The following PKHD1L1 variants were observed in gnomAD, a reference collection of about 807,000 sequenced individuals.
The protein encoded by PKHD1L1 is PKHD1 like 1.
Under a neutral mutation model 462.9 loss-of-function variants are expected in PKHD1L1, and 434 were observed. The ratio of observed to expected loss-of-function variants is 0.94; its 90% CI spans 0.87 to 1.02. The LOEUF is 1.02. Among genes scored for constraint, PKHD1L1 ranks in the 50% least tolerant of loss-of-function variants. The probability of loss-of-function intolerance (pLI) is 0.00; values close to 1 mark genes in which losing one functional copy is unlikely to be tolerated. For missense variants in PKHD1L1, 5,202 were observed against 5,096.1 expected (o/e 1.02, Z -0.63); for synonymous variants, 1,781 against 1,750.0 (o/e 1.02, Z -0.44).
In PKHD1L1 at chr8:109,384,068, A is replaced by G. The variant is rs766168055; in HGVS notation, c.418-2A>G. ...TTCATATTGACATTATTCTTTTTACAGGCAAAAAGTTTTAGAACCCCAACA... is the reference window on the plus strand; with the variant it reads ...TTCATATTGACATTATTCTTTTTACGGGCAAAAAGTTTTAGAACCCCAACA... On this transcript the variant is annotated splice_acceptor_variant, in intron 4 of 77. Transcript: ENST00000378402. LOFTEE classifies it high-confidence loss of function. The G allele has an allele frequency of 3.1e-6, 5 of 1,600,412 alleles. No individual in the cohort carries two copies. The highest frequency in any genetic ancestry group is 4.3e-6 in the Non-Finnish European group (5 of 1,168,092).
intron 58 of PKHD1L1, among the ~76,000 whole-genome samples, chr8:109,486,147 G>A (rs1443434522): frequency 6.6e-6 from 1 of 151,892 alleles, no homozygotes; most frequent in Non-Finnish European, 1.5e-5. Context: ...ACTACCTATT[G>A]ATGAAGACTT....
rs150272390 is a variant in PKHD1L1, at chr8:109,476,781, A to G, written c.8917+114A>G. 1.1e-3 allele frequency: 1,038 copies of G among 909,756 alleles called. 2 individuals carry two copies. The highest frequency in any genetic ancestry group is 1.2e-3 in the Non-Finnish European group (775 of 635,878). 56.4% of individuals were successfully genotyped at this position (909,756 alleles called of 1,614,324 possible). On this transcript the variant is annotated intron_variant, in intron 52 of 77. Coordinates refer to ENST00000378402, the MANE Select transcript of PKHD1L1 (RefSeq NM_177531.6). ...GTGCTTAATATATACAGGATCCAAT[A>G]AATGTTTGCTGAATGGAAAAACTGG...
At chr8:109,429,904 C>A (rs768252417) in intron 26 of PKHD1L1, 28 bp from the exon 27 acceptor site, 2 of 1,482,594 alleles carry the variant, frequency 1.3e-6, no homozygotes, top group Non-Finnish European at 1.9e-6. Context: ...TGCCCATGTT[C>A]TGTAGCTTCT....
chr8:109,444,212 A>T (rs903478214), intron 37 of PKHD1L1, among the ~76,000 whole-genome samples: 2 of 152,094 alleles, frequency 1.3e-5, no homozygotes, highest in African/African-American at 4.8e-5. Flanking sequence ...TTCTGTCTAT[A>T]GATTTGGCTG....
chr8:109,459,173 A>G (rs1816975563), intron 46 of PKHD1L1, among the ~76,000 whole-genome samples: 1 of 152,060 alleles, frequency 6.6e-6, no homozygotes. Context: ...GATGCTTAGA[A>G]ACACCCCTGG....
chr8:109,493,452 A>G (rs1375232627), intron 62 of PKHD1L1, among the ~76,000 whole-genome samples: 1 of 151,694 alleles, frequency 6.6e-6, no homozygotes, highest in African/African-American at 2.4e-5. Flanking sequence ...AGGCTGTAGT[A>G]CTTAATGATG....
intron 49 of PKHD1L1, among the ~76,000 whole-genome samples, chr8:109,465,475 T>C (rs115467930): frequency 8.9e-4 from 135 of 152,286 alleles, no homozygotes; most frequent in Middle Eastern, 3.4e-3. Context: ...TTCTCCTGCA[T>C]TGGCACATTG....
At chr8:109,376,434 C>T (rs534339866) in intron 2 of PKHD1L1, among the ~76,000 whole-genome samples, 1 of 152,316 alleles carries the variant, frequency 6.6e-6, no homozygotes, top group African/African-American at 2.4e-5. Flanking sequence ...AATTCCCTGA[C>T]CTCTTGTGCT....
At chr8:109,415,072 A>C (rs1292405559) in intron 21 of PKHD1L1, among the ~76,000 whole-genome samples, 1 of 151,412 alleles carries the variant, frequency 6.6e-6, no homozygotes, top group Non-Finnish European at 1.5e-5. Context: ...ATCACAGTTC[A>C]CTGCAGCCTT....
At chr8:109,390,181 C>G (rs1285160968) in intron 8 of PKHD1L1, among the ~76,000 whole-genome samples, 1 of 152,108 alleles carries the variant, frequency 6.6e-6, no homozygotes, top group African/African-American at 2.4e-5. Flanking sequence ...AATATGGTTA[C>G]ATATCTGTTC....
At chr8:109,479,868 G>A (rs1228550597) in intron 54 of PKHD1L1, 123 bp from the exon 55 acceptor site, 1 of 990,290 alleles carries the variant, frequency 1.0e-6, no homozygotes, top group Non-Finnish European at 1.4e-6. Context: ...TAGGAATCAG[G>A]TATTATATGA....
In PKHD1L1 at chr8:109,498,791, C is replaced by A; in HGVS notation, c.10828+20C>A. On this transcript the variant is annotated intron_variant, in intron 67 of 77. Transcript: ENST00000378402. Reference sequence around the variant, plus strand: ...TCTCAGGCAAGTACACAGTCTTTTACAAATCTTCTCAATTAATTTCTGTAA... The same window carrying A: ...TCTCAGGCAAGTACACAGTCTTTTAAAAATCTTCTCAATTAATTTCTGTAA... 5 of 1,524,742 alleles carry A rather than the reference C, an allele frequency of 3.3e-6. No individual in the cohort carries two copies. In the South Asian group the frequency reaches 5.9e-5, roughly 18 times the overall value. 94.5% of individuals were successfully genotyped at this position (1,524,742 alleles called of 1,614,324 possible).
At chr8:109,387,893 C>T (rs572602295) in intron 6 of PKHD1L1, among the ~76,000 whole-genome samples, 1 of 152,242 alleles carries the variant, frequency 6.6e-6, no homozygotes, top group East Asian at 1.9e-4. Context: ...TGCCAGCCTC[C>T]AATAGCATCA....
chr8:109,471,387 A>C (rs1410573745), intron 50 of PKHD1L1, among the ~76,000 whole-genome samples: 2 of 152,222 alleles, frequency 1.3e-5, no homozygotes, highest in Non-Finnish European at 2.9e-5. Context: ...ACAAGTAAAG[A>C]ACATTCTCTC....
intron 2 of PKHD1L1, among the ~76,000 whole-genome samples, chr8:109,373,126 T>G (rs1340974069): frequency 6.6e-6 from 1 of 152,180 alleles, no homozygotes; most frequent in Non-Finnish European, 1.5e-5. Flanking sequence ...TGTGAATCCA[T>G]CTGGTCCTGG....
In PKHD1L1 at chr8:109,435,317, G is replaced by A. The variant is rs1815345978; in HGVS notation, c.3468G>A (p.Gln1156=). The change falls in exon 29 of 78, where the codon CAG becomes CAA. Residue 1156 remains glutamine, a synonymous_variant. Coordinates refer to ENST00000378402, the MANE Select transcript of PKHD1L1 (RefSeq NM_177531.6). Reference sequence around the variant, plus strand: ...AGTTCTACTTTGTTTATCAGAGTCAGATCTCACATATCTGGCCTGATTCTG... The same window carrying A: ...AGTTCTACTTTGTTTATCAGAGTCAAATCTCACATATCTGGCCTGATTCTG... ...GEEFYFVYQS[Q]ISHIWPDSGS... 1 of 1,613,510 alleles carries A rather than the reference G, an allele frequency of 6.2e-7. No individual in the cohort carries two copies. The highest frequency in any genetic ancestry group is 1.3e-5 in the African/African-American group (1 of 74,888).
intron 45 of PKHD1L1, 79 bp downstream of exon 45, chr8:109,454,931 A>G: frequency 6.8e-7 from 1 of 1,470,358 alleles, no homozygotes; most frequent in Non-Finnish European, 9.1e-7. Flanking sequence ...TGTGATAATT[A>G]TAATTTATCC....
At chr8:109,450,250 C>T (rs1816409916) in intron 40 of PKHD1L1, among the ~76,000 whole-genome samples, 1 of 152,088 alleles carries the variant, frequency 6.6e-6, no homozygotes, top group South Asian at 2.1e-4. Context: ...TTAGTTATTA[C>T]TTAACAAAAT....
intron 57 of PKHD1L1, among the ~76,000 whole-genome samples, chr8:109,483,615 TATATTAGTC>T (rs888783704): frequency 1.3e-5 from 2 of 150,310 alleles, no homozygotes; most frequent in African/African-American, 4.8e-5. Context: ...ATATACATAA[TATATTAGTC>T]ATATTAGTCA....
Sources: gnomAD v4.1 joint callset for allele counts (sites outside exome capture counted in the v4.1 genomes callset) on GRCh38, gnomAD v4.1.1 for gene constraint, MANE v1.5 for transcripts, NCBI Gene and HGNC (gene_info 2026-07-23, HGNC 2026-07-21) for gene names.